Variants in LRTM3 observed in about 807,000 individuals in gnomAD.
LRTM3 encodes leucine rich repeat transmembrane protein 3.
the LRTM3 span, chr13:102,747,364 G>T: frequency 6.5e-7 from 1 of 1,550,100 alleles, no homozygotes; most frequent in Non-Finnish European, 8.7e-7. Flanking sequence ...TTTTCCTGTG[G>T]TTTGAAGTAC....
the LRTM3 span, among the ~76,000 whole-genome samples, chr13:102,756,696 C>CAA: frequency 1.8e-4 from 19 of 106,552 alleles, no homozygotes; most frequent in Non-Finnish European, 3.3e-4. Flanking sequence ...AAAAAAAAAA[C>CAA]AAAAAAACAA....
the LRTM3 span, chr13:102,748,701 C>T: frequency 1.3e-6 from 2 of 1,549,782 alleles, no homozygotes; most frequent in Admixed American, 2.0e-5. Flanking sequence ...TCTGTAATAC[C>T]AATTCCCTTT....
chr13:102,754,433 G>A, the LRTM3 span, among the ~76,000 whole-genome samples: 1 of 151,856 alleles, frequency 6.6e-6, no homozygotes, highest in Non-Finnish European at 1.5e-5. Flanking sequence ...GAGTCTCAAG[G>A]GCCTACAGCA....
chr13:102,748,059 G>A, the LRTM3 span: 1 of 1,550,860 alleles, frequency 6.4e-7, no homozygotes, highest in Non-Finnish European at 8.7e-7. Context: ...AATTTCTCTT[G>A]CTTTGATGCT....
At chr13:102,742,417 C>T in the LRTM3 span, 2 of 1,546,928 alleles carry the variant, frequency 1.3e-6, no homozygotes, top group East Asian at 4.9e-5. Flanking sequence ...ACAGCTCTTG[C>T]TGTTTCTTTG....
the LRTM3 span, chr13:102,744,139 G>T: frequency 6.4e-7 from 1 of 1,550,554 alleles, no homozygotes. Flanking sequence ...ACTTAAAACG[G>T]TGTTGCTTTT....
the LRTM3 span, chr13:102,735,612 A>C: frequency 6.4e-7 from 1 of 1,551,042 alleles, no homozygotes; most frequent in Non-Finnish European, 8.7e-7. Flanking sequence ...AGGTCTGTAC[A>C]TTTGGGGAGC....
the LRTM3 span, chr13:102,742,849 G>A: frequency 6.4e-7 from 1 of 1,550,692 alleles, no homozygotes; most frequent in African/African-American, 1.4e-5. Flanking sequence ...AAACAGAATG[G>A]CCAATGTTCT....
At chr13:102,731,327 C>T in the LRTM3 span, 1 of 1,551,358 alleles carries the variant, frequency 6.4e-7, no homozygotes, top group South Asian at 1.2e-5. Flanking sequence ...ATAGAACCTC[C>T]AACTGTTATC....
chr13:102,750,404 A>C, the LRTM3 span: 1 of 1,371,424 alleles, frequency 7.3e-7, no homozygotes. Context: ...ATATAAGAAA[A>C]CAGTGTACAA....
chr13:102,741,938 T>G, the LRTM3 span: 3 of 1,550,586 alleles, frequency 1.9e-6, no homozygotes, highest in Non-Finnish European at 2.6e-6. Context: ...TTGGTGTTTT[T>G]GTTCCTTTTC....
the LRTM3 span, chr13:102,748,138 A>G: frequency 6.4e-7 from 1 of 1,551,000 alleles, no homozygotes; most frequent in Non-Finnish European, 8.7e-7. Context: ...TTTCTGTATC[A>G]GGTAGTTGAG....
the LRTM3 span, among the ~76,000 whole-genome samples, chr13:102,757,775 C>A: frequency 6.6e-6 from 1 of 152,136 alleles, no homozygotes; most frequent in African/African-American, 2.4e-5. Flanking sequence ...GTCACCATAC[C>A]ACAGGGCAAC....
chr13:102,738,127 A>G, the LRTM3 span: 1,128 of 1,550,752 alleles, frequency 7.3e-4, no homozygotes, highest in Middle Eastern at 1.2e-3. Context: ...CTGGCTCTTT[A>G]GTATTCAATG....
chr13:102,747,590 T>C, the LRTM3 span: 2 of 1,551,200 alleles, frequency 1.3e-6, no homozygotes, highest in East Asian at 2.4e-5. Context: ...AATATGACTA[T>C]CCGTTGTCTT....
the LRTM3 span, chr13:102,748,177 T>C: frequency 3.9e-6 from 6 of 1,551,140 alleles, no homozygotes; most frequent in South Asian, 3.6e-5. Context: ...CACTGTGAAA[T>C]GCATCAGACG....
the LRTM3 span, chr13:102,730,278 C>A: frequency 1.3e-6 from 2 of 1,551,358 alleles, no homozygotes; most frequent in Non-Finnish European, 8.7e-7. Flanking sequence ...TTTTCTGATT[C>A]CTGACTTAAA....
chr13:102,743,259 C>T, the LRTM3 span: 2 of 1,550,650 alleles, frequency 1.3e-6, no homozygotes, highest in Non-Finnish European at 1.7e-6. Flanking sequence ...GCTAGTGACT[C>T]TATTTGTGTT....
At chr13:102,743,759 T>C in the LRTM3 span, 6 of 1,550,308 alleles carry the variant, frequency 3.9e-6, no homozygotes, top group Non-Finnish European at 5.2e-6. Flanking sequence ...AGACTCTCTA[T>C]TGATTTTATG....
Sources: allele counts gnomAD v4.1 joint callset (sites outside exome capture counted in the v4.1 genomes callset), GRCh38; gene constraint gnomAD v4.1.1; transcripts MANE v1.5; gene names NCBI Gene and HGNC (gene_info 2026-07-23, HGNC 2026-07-21).